ZAR1: variants seen among roughly 807,000 people sequenced by gnomAD.
ZAR1 encodes zygote arrest protein 1.
ZAR1 carries 37 observed loss-of-function variants against 38.3 expected under a neutral mutation model. The ratio of observed to expected loss-of-function variants is 0.97; its 90% CI spans 0.74 to 1.27. The LOEUF (loss-of-function observed/expected upper bound fraction) is 1.27. ZAR1 is among the 50% of genes most tolerant of loss of function. The pLI is 0.00. For synonymous variants in ZAR1, 336 were observed against 292.0 expected, an observed-to-expected ratio of 1.15 and a Z score of -1.53; for missense variants, 651 against 632.4, an observed-to-expected ratio of 1.03 and a Z score of -0.32.
In ZAR1 at chr4:48,492,948, A is replaced by G. The variant is rs376596690; in HGVS notation, c.1067A>G (p.Lys356Arg). 1 of 1,614,188 alleles carries G rather than the reference A, an allele frequency of 6.2e-7. No individual in the cohort carries two copies. Among genetic ancestry groups the G allele is most frequent in the Non-Finnish European group, 8.5e-7 (1 of 1,180,024 alleles). ...CVQGTNKVYF[K>R]QFCRTCQKSY... ...TCTTTGTCATCACAGGTTTACTTCAAACAGTTTTGCAGAACTTGTCAGAAG... is the reference window on the plus strand; with the variant it reads ...TCTTTGTCATCACAGGTTTACTTCAGACAGTTTTGCAGAACTTGTCAGAAG... Residue 356 changes from lysine to arginine, a missense_variant, in exon 3 of 4, where the codon AAA becomes AGA. Physicochemically the swap from Lys to Arg is conservative, Grantham distance 26. Coordinates refer to ENST00000327939, the MANE Select transcript of ZAR1 (RefSeq NM_175619.3).
At chr4:48,495,303 A>G (rs181810314), downstream of ZAR1, among the ~76,000 whole-genome samples, 86 of 152,368 alleles carry the variant, frequency 5.6e-4, no homozygotes, top group African/African-American at 1.9e-3. Context: ...TGTGCTAATT[A>G]TGCCTCCAAT....
intron 1 of ZAR1, among the ~76,000 whole-genome samples, chr4:48,492,147 G>T (rs546860589): frequency 1.1e-3 from 169 of 152,304 alleles, no homozygotes; most frequent in Non-Finnish European, 1.9e-3. Context: ...CAGTCTCACA[G>T]GTGAGCAGAC....
At chr4:48,492,487 A>G (rs1430110459) in intron 1 of ZAR1, among the ~76,000 whole-genome samples, 1 of 152,200 alleles carries the variant, frequency 6.6e-6, no homozygotes, top group East Asian at 1.9e-4. Context: ...CAAACTTTAG[A>G]GAACTGTTTA....
Position 48,491,217 on chromosome 4 carries a change from G to C in ZAR1, c.926G>C (p.Arg309Pro). Residue 309 changes from arginine to proline, a missense_variant, in exon 1 of 4, where the codon CGG becomes CCG. This residue lies in a region of ZAR1 where 129 missense variants were observed against 172.5 expected (regional missense o/e 0.75). Coordinates refer to ENST00000327939, the MANE Select transcript of ZAR1 (RefSeq NM_175619.3). The stretch of plus-strand genomic sequence containing the variant: ...GTCGCGGGAGAGGGGCCGTCGCCAC[G>C]GAGCCCGGAGCTGGGCAAGGAGCGG... ...AAVAGEGPSP[R>P]SPELGKERLR... 4 of 1,233,900 alleles carry C rather than the reference G, an allele frequency of 3.2e-6. No homozygotes were observed. The highest frequency in any genetic ancestry group is 4.0e-6 in the Non-Finnish European group (4 of 989,096). 76.4% of individuals were successfully genotyped at this position (1,233,900 alleles called of 1,614,324 possible). A position where few individuals can be genotyped will look rare whatever the true frequency, so the allele number is the denominator to read the frequency against.
Position 48,490,433 on chromosome 4 carries a change from C to A in ZAR1, c.142C>A (p.Leu48Ile). 6.8e-7 allele frequency: 1 copy of A among 1,476,272 alleles called. No individual in the cohort carries two copies. The highest frequency in any genetic ancestry group is 8.9e-7 in the Non-Finnish European group (1 of 1,119,062). The allele number at this position is 1,476,272 out of a possible 1,614,324, so 91.4% of individuals were successfully genotyped here. Residue 48 changes from leucine to isoleucine, a missense_variant, in exon 1 of 4, where the codon CTT (leucine) becomes ATT (isoleucine). Physicochemically the swap from Leu to Ile is conservative, Grantham distance 5. Around this residue, in one of 2 missense-constraint regions of ZAR1, gnomAD observed 522 missense variants for 459.9 expected, o/e 1.14. Transcript: ENST00000327939. ...GSWQQRGRGC[L>I]PASSPCSAGA... ...CTGGCAGCAGCGCGGCAGGGGCTGC[C>A]TTCCCGCCTCCTCCCCCTGCTCGGC...
downstream of ZAR1, among the ~76,000 whole-genome samples, chr4:48,495,176 C>T (rs1238922419): frequency 1.3e-5 from 2 of 152,156 alleles, no homozygotes; most frequent in African/African-American, 2.4e-5. Flanking sequence ...AACACTGAGG[C>T]CCCACTGCCA....
At chr4:48,493,056 G>A (rs1248553216) in intron 3 of ZAR1, 44 bp downstream of exon 3, 6 of 1,590,322 alleles carry the variant, frequency 3.8e-6, no homozygotes, top group South Asian at 2.2e-5. Context: ...GGCAGTCGTC[G>A]AGGGTTTTTA....
Position 48,491,266 on chromosome 4 carries a change from G to C in ZAR1, c.963+12G>C. The stretch of plus-strand genomic sequence containing the variant: ...GGCTGCGCTTCCAGGTAAAGCCTAG[G>C]GCGGTCAGGGCACAGGGGAGCCCGG... On this transcript the variant is annotated intron_variant, in intron 1 of 3. Transcript: ENST00000327939. The C allele has an allele frequency of 1.6e-6, 2 of 1,234,140 alleles. No homozygotes were observed. The highest frequency in any genetic ancestry group is 2.0e-6 in the Non-Finnish European group (2 of 989,770). 76.4% of individuals were successfully genotyped at this position (1,234,140 alleles called of 1,614,324 possible). A position where few individuals can be genotyped will look rare whatever the true frequency, so the allele number is the denominator to read the frequency against.
downstream of ZAR1, chr4:48,497,602 A>G (rs1308979889): frequency 6.6e-6 from 1 of 152,638 alleles, no homozygotes; most frequent in Admixed American, 6.5e-5. Context: ...AACAAAAAGG[A>G]TGTAAGGAGG....
chr4:48,490,525 C>A lies in ZAR1; in HGVS notation c.234C>A (p.Tyr78Ter). 6.8e-7 allele frequency: 1 copy of A among 1,473,320 alleles called. No homozygotes were observed. The highest frequency in any genetic ancestry group is 8.9e-7 in the Non-Finnish European group (1 of 1,121,484). 91.3% of individuals were successfully genotyped at this position (1,473,320 alleles called of 1,614,324 possible). A position where few individuals can be genotyped will look rare whatever the true frequency, so the allele number is the denominator to read the frequency against. ...CGGCCGCCGAGTACTTCGACAGCTACCAGCGGGAGCGGCTCATGGCTCTCC... is the reference window on the plus strand; with the variant it reads ...CGGCCGCCGAGTACTTCGACAGCTAACAGCGGGAGCGGCTCATGGCTCTCC... ...RLTAAEYFDSYQRERLMALLA... is the reference protein window; with the variant it reads ...RLTAAEYFDS The change falls in exon 1 of 4, where the codon TAC becomes TAA. Residue 78 changes from tyrosine (Y) to a stop codon, truncating the protein, a stop_gained. Coordinates refer to ENST00000327939, the MANE Select transcript of ZAR1 (RefSeq NM_175619.3). LOFTEE classifies it high-confidence loss of function.
chr4:48,494,689 CAA>C (rs34211079), downstream of ZAR1, among the ~76,000 whole-genome samples: 1 of 146,566 alleles, frequency 6.8e-6, no homozygotes, highest in Non-Finnish European at 1.5e-5. Context: ...GACTCCATCT[CAA>C]AAAAAAAAAG....
In ZAR1 at chr4:48,490,612, G is replaced by A. The variant is rs926801749; in HGVS notation, c.321G>A (p.Ala107=). The change falls in exon 1 of 4, where the codon GCG becomes GCA. Residue 107 remains alanine (A), a synonymous_variant. Coordinates refer to ENST00000327939, the MANE Select transcript of ZAR1 (RefSeq NM_175619.3). ...GCAGGGCCGGCAGCTGCGACGTGGC[G>A]GTGCAGGTGAGCCCGCGCATCGACG... The part of the protein sequence containing the change: ...RARRAGSCDV[A]VQVSPRIDAA... 7.3e-7 allele frequency: 1 copy of A among 1,368,136 alleles called. No homozygotes were observed. The highest frequency in any genetic ancestry group is 9.3e-7 in the Non-Finnish European group (1 of 1,071,100). The allele number at this position is 1,368,136 out of a possible 1,614,324, so 84.7% of individuals were successfully genotyped here.
chr4:48,494,327 A>C lies in ZAR1; in HGVS notation c.*83A>C. 18 of 1,538,964 alleles carry C rather than the reference A, an allele frequency of 1.2e-5. No homozygotes were observed. Among genetic ancestry groups the C allele is most frequent in the Non-Finnish European group, 1.2e-5 (14 of 1,125,726 alleles). The stretch of plus-strand genomic sequence containing the variant: ...GCCTCTCCTCCACCTCTCCCTTCTC[A>C]AAATACTTCATGAAAGGCAGTGTAT... On this transcript the variant is annotated 3_prime_UTR_variant, in exon 4 of 4. Coordinates refer to ENST00000327939, the MANE Select transcript of ZAR1 (RefSeq NM_175619.3).
At chr4:48,492,355 A>C (rs1201088668) in intron 1 of ZAR1, among the ~76,000 whole-genome samples, 1 of 152,170 alleles carries the variant, frequency 6.6e-6, no homozygotes, top group Non-Finnish European at 1.5e-5. Flanking sequence ...CAGCATGAAG[A>C]ATGTGATCTT....
At chr4:48,496,161 C>G (rs1405585212), downstream of ZAR1, among the ~76,000 whole-genome samples, 2 of 152,124 alleles carry the variant, frequency 1.3e-5, no homozygotes, top group Non-Finnish European at 1.5e-5. Context: ...AAAAATCACT[C>G]CAGCTGTACA....
At chr4:48,493,948 G>A (rs564097646) in intron 3 of ZAR1, among the ~76,000 whole-genome samples, 153 bp from the exon 4 acceptor site, 2 of 152,238 alleles carry the variant, frequency 1.3e-5, no homozygotes, top group African/African-American at 4.8e-5. Context: ...TCATTGCTAC[G>A]TAGGTAGGGA....
rs1414880771 is a variant in ZAR1, at chr4:48,492,840, T to C, written c.1038T>C (p.Cys346=). ...GCTGGGAGAGTGCTTATGTGTGGTGTGTACAGGGAACTAACAAGGTAAGAA... is the reference window on the plus strand; with the variant it reads ...GCTGGGAGAGTGCTTATGTGTGGTGCGTACAGGGAACTAACAAGGTAAGAA... ...NIRWESAYVW[C]VQGTNKVYFK... is the part of the protein sequence containing the mutation. Residue 346 remains cysteine, a synonymous_variant, in exon 2 of 4, where the codon TGT becomes TGC. Transcript: ENST00000327939. 2.5e-6 allele frequency: 4 copies of C among 1,614,114 alleles called. No homozygotes were observed. The highest frequency in any genetic ancestry group is 3.4e-6 in the Non-Finnish European group (4 of 1,180,040).
At chr4:48,495,434 G>A (rs1718559277), downstream of ZAR1, among the ~76,000 whole-genome samples, 1 of 152,162 alleles carries the variant, frequency 6.6e-6, no homozygotes, top group Admixed American at 6.6e-5. Flanking sequence ...CATAGAATCC[G>A]TATCTCAAGG....
Position 48,490,629 on chromosome 4 carries a change from G to C in ZAR1, c.338G>C (p.Arg113Pro). The C allele has an allele frequency of 7.4e-7, 1 of 1,357,904 alleles. No homozygotes were observed. Among genetic ancestry groups the C allele is most frequent in the South Asian group, 1.8e-5 (1 of 54,904 alleles). The allele number at this position is 1,357,904 out of a possible 1,614,324, so 84.1% of individuals were successfully genotyped here. The change falls in exon 1 of 4, where the codon CGC becomes CCC. Residue 113 changes from arginine (R) to proline (P), a missense_variant. Arg to Pro is a moderately radical substitution (Grantham distance 103). This residue lies in a region of ZAR1 where 522 missense variants were observed against 459.9 expected (regional missense o/e 1.14). Coordinates refer to ENST00000327939, the MANE Select transcript of ZAR1 (RefSeq NM_175619.3). The part of the protein sequence containing the change: ...SCDVAVQVSP[R>P]IDAAVQCSLG... ...GACGTGGCGGTGCAGGTGAGCCCGCGCATCGACGCCGCGGTACAGTGCTCG... is the reference window on the plus strand; with the variant it reads ...GACGTGGCGGTGCAGGTGAGCCCGCCCATCGACGCCGCGGTACAGTGCTCG...
Sources: gnomAD v4.1 joint callset for allele counts (sites outside exome capture counted in the v4.1 genomes callset) on GRCh38, gnomAD v4.1.1 for gene constraint, gnomAD v4.1.1 regional missense constraint, MANE v1.5 for transcripts, NCBI Gene and HGNC (gene_info 2026-07-23, HGNC 2026-07-21) for gene names.